The following SBNO1 variants were observed in gnomAD, a reference collection of about 807,000 sequenced individuals.
SBNO1 encodes the protein strawberry notch homolog 1, also known as protein strawberry notch homolog 1.
SBNO1 carries 23 observed loss-of-function variants against 173.6 expected under a neutral mutation model. The ratio of observed to expected loss-of-function variants is 0.13; its 90% CI spans 0.10 to 0.19. The LOEUF is 0.19. SBNO1 is among the 10% of genes least tolerant of loss of function. The probability of loss-of-function intolerance (pLI) is 1.00; values close to 1 mark genes in which losing one functional copy is unlikely to be tolerated. For missense variants in SBNO1, 1,238 were observed against 1,671.2 expected, an observed-to-expected ratio of 0.74 and a Z score of 4.52; for synonymous variants, 632 against 571.5, an observed-to-expected ratio of 1.11 and a Z score of -1.51.
In SBNO1 at chr12:123,320,862, G is replaced by A. The variant is rs901869756; in HGVS notation, c.2328C>T (p.Pro776=). The A allele has an allele frequency of 1.9e-6, 3 of 1,571,228 alleles. No individual in the cohort carries two copies. Among genetic ancestry groups the A allele is most frequent in the Non-Finnish European group, 1.7e-6 (2 of 1,159,940 alleles). ...TCTTGTGGTCTTTTCTAATTAACCAGGGATCTGAGTGTTAAGGAAAGATAC... is the reference window on the plus strand; with the variant it reads ...TCTTGTGGTCTTTTCTAATTAACCAAGGATCTGAGTGTTAAGGAAAGATAC... ...DESNEDDEND[P]WLIRKDHKKN... Residue 776 remains proline (P), a synonymous_variant, in exon 18 of 32, where the codon CCC becomes CCT. Coordinates refer to ENST00000602398, the MANE Select transcript of SBNO1 (RefSeq NM_001167856.3).
intron 10 of SBNO1, 91 bp from the exon 11 acceptor site, chr12:123,328,118 C>T (rs1382368644): frequency 9.8e-7 from 1 of 1,024,556 alleles, no homozygotes; most frequent in Non-Finnish European, 1.4e-6. Flanking sequence ...TTCCCTGAGG[C>T]CTTCTGATTG....
chr12:123,364,326 G>A (rs1283970828), intron 1 of SBNO1: 96 of 984,576 alleles, frequency 9.8e-5, no homozygotes, highest in Non-Finnish European at 1.1e-4. Context: ...CGCAGCCCCC[G>A]GGTTGTGAGG....
chr12:123,334,886 T>C (rs568345996), intron 6 of SBNO1, among the ~76,000 whole-genome samples: 55 of 152,252 alleles, frequency 3.6e-4, no homozygotes, highest in African/African-American at 1.3e-3. Context: ...AACAAAAGTT[T>C]GCAATACAAT....
Position 123,348,191 on chromosome 12 carries a change from A to G in SBNO1, c.133-58T>C. The G allele has an allele frequency of 3.1e-6, 3 of 976,180 alleles. 1 individual carries two copies. In the South Asian group the frequency reaches 4.2e-5, roughly 14 times the overall value. 60.5% of individuals were successfully genotyped at this position (976,180 alleles called of 1,614,324 possible). The stretch of plus-strand genomic sequence containing the variant: ...AAGGACAGCAGTAAATTCTGTTTCA[A>G]GGACAAGGTTTGCATTTATTAAAAA... On this transcript the variant is annotated intron_variant, in intron 2 of 31. Transcript: ENST00000602398.
intron 25 of SBNO1, among the ~76,000 whole-genome samples, chr12:123,310,582 TG>T (rs1037562143): frequency 3.3e-5 from 5 of 151,094 alleles, no homozygotes; most frequent in Non-Finnish European, 7.4e-5. Flanking sequence ...TCGCCGAAGT[TG>T]GAGTGCAGTG....
At chr12:123,306,157 A>G (rs2048908588) in intron 28 of SBNO1, among the ~76,000 whole-genome samples, 1 of 152,230 alleles carries the variant, frequency 6.6e-6, no homozygotes, top group African/African-American at 2.4e-5. Context: ...GTTAAGGTGA[A>G]GATTATATTT....
intron 10 of SBNO1, among the ~76,000 whole-genome samples, 174 bp from the exon 11 acceptor site, chr12:123,328,201 C>A (rs1437627778): frequency 6.6e-6 from 1 of 152,196 alleles, no homozygotes; most frequent in Non-Finnish European, 1.5e-5. Context: ...CCCTCTCTAG[C>A]CTCAAAGACA....
intron 5 of SBNO1, among the ~76,000 whole-genome samples, chr12:123,337,595 T>C (rs1254525793): frequency 1.3e-5 from 2 of 152,154 alleles, no homozygotes; most frequent in Non-Finnish European, 2.9e-5. Flanking sequence ...CATTAACCTA[T>C]GGAGTCTTTA....
chr12:123,312,110 C>CT (rs1256575638), intron 24 of SBNO1, among the ~76,000 whole-genome samples: 1 of 150,282 alleles, frequency 6.7e-6, no homozygotes, highest in Admixed American at 6.6e-5. Flanking sequence ...GACAGGGTCT[C>CT]TCTCACCAGT....
rs746098367 is a variant in SBNO1 at position 123,317,208 on chromosome 12, T to G, written c.2935+13A>C. The G allele has an allele frequency of 1.2e-6, 2 of 1,613,562 alleles. No homozygotes were observed. Among genetic ancestry groups the G allele is most frequent in the Non-Finnish European group, 1.7e-6 (2 of 1,179,642 alleles). The stretch of plus-strand genomic sequence containing the variant: ...GCTATCCATTAAGTGAAATCCAGTT[T>G]GTAGGAACTTACCGAACTGTTGAAT... On this transcript the variant is annotated intron_variant, in intron 21 of 31. Transcript: ENST00000602398.
intron 21 of SBNO1, among the ~76,000 whole-genome samples, chr12:123,316,027 T>A (rs1869213380): frequency 6.6e-6 from 1 of 152,192 alleles, no homozygotes; most frequent in Admixed American, 6.6e-5. Context: ...ATGGACCTAA[T>A]ACATCCTTAA....
Position 123,323,765 on chromosome 12 carries a change from T to C in SBNO1, c.2040A>G (p.Leu680=), listed in dbSNP as rs953962408. ...PAPDRKKLYS[L]LGIDLTAPSN... ...TTGGAGCTGTCAAATCGATTCCTAG[T>C]AAACTATAAAGTTTTTTCCTGTCTG... Residue 680 remains leucine (L), a synonymous_variant, in exon 16 of 32, where the codon TTA becomes TTG. Coordinates refer to ENST00000602398, the MANE Select transcript of SBNO1 (RefSeq NM_001167856.3). The C allele has an allele frequency of 3.1e-6, 5 of 1,613,174 alleles. No homozygotes were observed. The African/African-American group carries it at 6.7e-5, about 22-fold the overall frequency.
intron 3 of SBNO1, among the ~76,000 whole-genome samples, 191 bp from the exon 4 acceptor site, chr12:123,345,761 C>T (rs1328112399): frequency 1.3e-5 from 2 of 152,048 alleles, no homozygotes; most frequent in Non-Finnish European, 2.9e-5. Context: ...CCTTGCCCAA[C>T]TGGGCTCAAG....
At chr12:123,337,457 A>G (rs1871983251) in intron 5 of SBNO1, among the ~76,000 whole-genome samples, 1 of 152,220 alleles carries the variant, frequency 6.6e-6, no homozygotes, top group African/African-American at 2.4e-5. Context: ...TTAAGGCAAG[A>G]TCGAGACAGC....
At chr12:123,323,315 G>A (rs1566035684) in intron 16 of SBNO1, among the ~76,000 whole-genome samples, 1 of 152,128 alleles carries the variant, frequency 6.6e-6, no homozygotes, top group Non-Finnish European at 1.5e-5. Context: ...AAATGCTTAT[G>A]TTTTAATTTC....
rs143570250 is a variant in SBNO1, at chr12:123,327,642, G to A, written c.1539-63C>T. On this transcript the variant is annotated intron_variant, in intron 12 of 31. Coordinates refer to ENST00000602398, the MANE Select transcript of SBNO1 (RefSeq NM_001167856.3). ...GTAGAATTTTAACATACAGAGAATGGGCTTTAGGAATAACACACTTCTTAG... is the reference window on the plus strand; with the variant it reads ...GTAGAATTTTAACATACAGAGAATGAGCTTTAGGAATAACACACTTCTTAG... The A allele has an allele frequency of 2.3e-4, 369 of 1,590,256 alleles. No individual in the cohort carries two copies. In the African/African-American group the frequency reaches 2.4e-3, roughly 10 times the overall value.
Position 123,320,497 on chromosome 12 carries a change from C to T in SBNO1, c.2602G>A (p.Asp868Asn), listed in dbSNP as rs1869826444. 1 of 1,614,070 alleles carries T rather than the reference C, an allele frequency of 6.2e-7. No homozygotes were observed. Residue 868 changes from aspartate to asparagine, a missense_variant, in exon 19 of 32, where the codon GAC (aspartate) becomes AAC (asparagine). Asp to Asn is a conservative substitution (Grantham distance 23). Coordinates refer to ENST00000602398, the MANE Select transcript of SBNO1 (RefSeq NM_001167856.3). ...TCATCCAGGGTATTAGGGGGGAGGT[C>T]TTCAGCTAATTTTTCTAGCTTATCA... ...LLDKLEKLAE[D>N]LPPNTLDELI...
chr12:123,325,457 A>G (rs1870509083), intron 15 of SBNO1, 45 bp downstream of exon 15: 1 of 1,362,324 alleles, frequency 7.3e-7, no homozygotes, highest in African/African-American at 1.4e-5. Flanking sequence ...AAGGTAAGGA[A>G]GAACTCAAAA....
At chr12:123,311,750 T>TATA (rs1566027879) in intron 24 of SBNO1, among the ~76,000 whole-genome samples, 38 of 131,548 alleles carry the variant, frequency 2.9e-4, no homozygotes, top group South Asian at 9.4e-4. Flanking sequence ...ATATATATAT[T>TATA]TTTGCGACAG....
Sources: gnomAD v4.1 joint callset for allele counts (sites outside exome capture counted in the v4.1 genomes callset) on GRCh38, gnomAD v4.1.1 for gene constraint, MANE v1.5 for transcripts, NCBI Gene and HGNC (gene_info 2026-07-23, HGNC 2026-07-21) for gene names.